IFT88: variants seen among roughly 807,000 people sequenced by gnomAD.
IFT88 encodes intraflagellar transport 88.
Under a neutral mutation model 119.5 loss-of-function variants are expected in IFT88, and 74 were observed. That is an observed-to-expected ratio of 0.62 (90% CI 0.51 to 0.75). The LOEUF (loss-of-function observed/expected upper bound fraction) is 0.75, where lower values mean the gene tolerates loss of function less well. Ranked by LOEUF, IFT88 falls within the 30% of genes least tolerant of loss-of-function variation. IFT88 has a pLI of 0.00. For missense variants in IFT88, 961 were observed against 977.7 expected (o/e 0.98, Z 0.23); for synonymous variants, 279 against 316.7 (o/e 0.88, Z 1.26).
At chr13:20,605,641 G>A (rs2043305316) in intron 13 of IFT88, among the ~76,000 whole-genome samples, 1 of 152,032 alleles carries the variant, frequency 6.6e-6, no homozygotes, top group Non-Finnish European at 1.5e-5. Context: ...TGGACACCAA[G>A]GGCTTAGTCC....
chr13:20,591,157 T>C, intron 5 of IFT88, 137 bp downstream of exon 5: 1 of 650,792 alleles, frequency 1.5e-6, no homozygotes. Flanking sequence ...ATTCTTTAAA[T>C]TGTGGGCTAA....
intron 20 of IFT88, among the ~76,000 whole-genome samples, chr13:20,647,356 T>C (rs2050907656): frequency 6.6e-6 from 1 of 152,222 alleles, no homozygotes; most frequent in Admixed American, 6.5e-5. Context: ...AATAAAAATG[T>C]AGGCTTTTTG....
chr13:20,569,932 C>T (rs1035356381), intron 1 of IFT88, among the ~76,000 whole-genome samples: 2 of 151,632 alleles, frequency 1.3e-5, no homozygotes, highest in African/African-American at 2.4e-5. Context: ...GTAGTCCCAG[C>T]TACTCGAGAG....
intron 24 of IFT88, among the ~76,000 whole-genome samples, chr13:20,676,634 T>C (rs996491462): frequency 2.6e-5 from 4 of 152,250 alleles, no homozygotes; most frequent in African/African-American, 9.6e-5. Context: ...AATTTTGTTT[T>C]TTTAAACAAG....
At chr13:20,676,095 A>C (rs2056628130) in intron 24 of IFT88, among the ~76,000 whole-genome samples, 1 of 152,210 alleles carries the variant, frequency 6.6e-6, no homozygotes, top group Admixed American at 6.5e-5. Flanking sequence ...TTACTAAGTC[A>C]ACACACATCA....
At position 20,605,057 on chromosome 13, in the gene IFT88, T is replaced by A; in HGVS notation, c.1064T>A (p.Val355Glu). The A allele has an allele frequency of 6.6e-7, 1 of 1,505,816 alleles. No individual in the cohort carries two copies. The allele number at this position is 1,505,816 out of a possible 1,614,324, so 93.3% of individuals were successfully genotyped here. ...SPSDDPHTNLVTEAIKNDHLR... is the reference protein window; with the variant it reads ...SPSDDPHTNLETEAIKNDHLR... The stretch of plus-strand genomic sequence containing the variant: ...CAGGATGATCCTCATACTAACTTAG[T>A]AACTGAAGCTATAAAAAATGATCAC... Residue 355 changes from valine to glutamate, a missense_variant, in exon 13 of 26, where the codon GTA becomes GAA. Val to Glu is a moderately radical substitution (Grantham distance 121). Transcript: ENST00000351808.
chr13:20,590,942 T>G (rs1264348912), intron 4 of IFT88, 25 bp from the exon 5 acceptor site: 1 of 1,555,672 alleles, frequency 6.4e-7, no homozygotes, highest in South Asian at 1.2e-5. Flanking sequence ...AGGAATCTTT[T>G]TAACTTAACT....
At chr13:20,613,076 AAAAT>A (rs1566193920) in intron 13 of IFT88, among the ~76,000 whole-genome samples, 1 of 152,248 alleles carries the variant, frequency 6.6e-6, no homozygotes, top group Non-Finnish European at 1.5e-5. Context: ...ACATAAGAAA[AAAAT>A]AGATAAATTG....
chr13:20,656,350 C>A lies in IFT88; in HGVS notation c.2003-15C>A. 1 of 1,225,742 alleles carries A rather than the reference C, an allele frequency of 8.2e-7. No homozygotes were observed. The highest frequency in any genetic ancestry group is 1.1e-6 in the Non-Finnish European group (1 of 874,410). The allele number at this position is 1,225,742 out of a possible 1,614,324, so 75.9% of individuals were successfully genotyped here. A position where few individuals can be genotyped will look rare whatever the true frequency, so the allele number is the denominator to read the frequency against. ...CTATAATTTGCTAATATATTTTTCTCTTGTTTGTTTATAGGTAACTACCAA... is the reference window on the plus strand; with the variant it reads ...CTATAATTTGCTAATATATTTTTCTATTGTTTGTTTATAGGTAACTACCAA... On this transcript the variant is annotated splice_polypyrimidine_tract_variant and intron_variant, in intron 21 of 25. Transcript: ENST00000351808.
rs1377298049 is a variant in IFT88, at chr13:20,601,728, G to A, written c.836G>A (p.Gly279Glu). The part of the protein sequence containing the change: ...QMRIKIMQNI[G>E]VTFIQAGQYS... The stretch of plus-strand genomic sequence containing the variant: ...AGGATTAAAATAATGCAGAATATTG[G>A]AGTTACATTTATTCAGGCTGGTCAG... The change falls in exon 12 of 26, where the codon GGA becomes GAA. Residue 279 changes from glycine to glutamate, a missense_variant. Physicochemically the swap from Gly to Glu is moderately conservative, Grantham distance 98. Transcript: ENST00000351808. 10 of 1,606,982 alleles carry A rather than the reference G, an allele frequency of 6.2e-6. No individual in the cohort carries two copies. Among genetic ancestry groups the A allele is most frequent in the Non-Finnish European group, 8.5e-6 (10 of 1,174,352 alleles).
At chr13:20,664,345 C>CT (rs765617064) in intron 23 of IFT88, among the ~76,000 whole-genome samples, 1 of 152,116 alleles carries the variant, frequency 6.6e-6, no homozygotes, top group Admixed American at 6.5e-5. Flanking sequence ...AGACTGTTCT[C>CT]TTTTTTGTGC....
intron 7 of IFT88, among the ~76,000 whole-genome samples, chr13:20,595,739 C>G (rs79074428): frequency 0.033 from 5,042 of 152,052 alleles, 120 homozygotes; most frequent in Middle Eastern, 0.071. Flanking sequence ...GCACATTGTT[C>G]AATGTTGAAA....
intron 19 of IFT88, among the ~76,000 whole-genome samples, chr13:20,644,016 G>A (rs1451715693): frequency 6.6e-6 from 1 of 152,140 alleles, no homozygotes; most frequent in Admixed American, 6.5e-5. Flanking sequence ...GCCTCCCAAA[G>A]TGCTGGGATT....
intron 3 of IFT88, among the ~76,000 whole-genome samples, chr13:20,583,309 T>C (rs993459681): frequency 1.3e-5 from 2 of 152,142 alleles, no homozygotes; most frequent in Non-Finnish European, 2.9e-5. Context: ...ATAAGTGGAG[T>C]CTCAGAGTAT....
intron 23 of IFT88, among the ~76,000 whole-genome samples, chr13:20,664,881 C>T (rs1410465722): frequency 6.6e-6 from 1 of 152,034 alleles, no homozygotes; most frequent in Non-Finnish European, 1.5e-5. Flanking sequence ...AGATCGAGAC[C>T]ATCCTGGCTA....
intron 24 of IFT88, among the ~76,000 whole-genome samples, chr13:20,680,213 C>T (rs1468464722): frequency 1.3e-5 from 2 of 152,192 alleles, no homozygotes; most frequent in Non-Finnish European, 2.9e-5. Context: ...GGAGATGTTA[C>T]ATTCAGGCAC....
intron 17 of IFT88, among the ~76,000 whole-genome samples, chr13:20,640,972 C>T (rs578244510): frequency 8.0e-4 from 122 of 152,254 alleles, no homozygotes; most frequent in African/African-American, 2.9e-3. Flanking sequence ...ATGGCAAAAT[C>T]CCGTCTCTAC....
intron 14 of IFT88, among the ~76,000 whole-genome samples, chr13:20,622,720 G>A (rs2046731501): frequency 6.6e-6 from 1 of 152,062 alleles, no homozygotes; most frequent in African/African-American, 2.4e-5. Context: ...ATACATTCTG[G>A]ATATTAATCC....
intron 20 of IFT88, among the ~76,000 whole-genome samples, chr13:20,652,616 A>G (rs953811237): frequency 3.4e-5 from 5 of 145,592 alleles, no homozygotes; most frequent in South Asian, 2.2e-4. Context: ...ACCCTGTCTG[A>G]AAAAAAAAAA....
Sources: allele counts gnomAD v4.1 joint callset (sites outside exome capture counted in the v4.1 genomes callset), GRCh38; gene constraint gnomAD v4.1.1; transcripts MANE v1.5; gene names NCBI Gene and HGNC (gene_info 2026-07-23, HGNC 2026-07-21).